The following TRIO variants were observed in gnomAD, a reference collection of about 807,000 sequenced individuals.
TRIO encodes triple functional domain protein.
TRIO carries 58 observed loss-of-function variants against 351.9 expected under a neutral mutation model. The observed-to-expected ratio is 0.16, with a 90% CI of 0.13 to 0.21. The LOEUF is 0.21. Ranked by LOEUF, TRIO falls within the 10% of genes least tolerant of loss-of-function variation. The pLI, the probability that TRIO is intolerant of heterozygous loss-of-function variation, is 1.00. For missense variants in TRIO, 3,201 were observed against 4,027.8 expected (o/e 0.79, Z 5.56); for synonymous variants, 1,758 against 1,595.7 (o/e 1.10, Z -2.42).
chr5:14,208,291 A>G (rs1474670216), intron 1 of TRIO, among the ~76,000 whole-genome samples: 2 of 152,232 alleles, frequency 1.3e-5, no homozygotes, highest in Non-Finnish European at 2.9e-5. Flanking sequence ...GATGTGGTAT[A>G]TCATCATCAT....
chr5:14,196,600 T>C (rs1316688078), intron 1 of TRIO, among the ~76,000 whole-genome samples: 3 of 152,098 alleles, frequency 2.0e-5, no homozygotes, highest in Non-Finnish European at 4.4e-5. Context: ...TTGAAATCAT[T>C]ATTCTACCTT....
chr5:14,269,243 C>T (rs556167708), intron 1 of TRIO, among the ~76,000 whole-genome samples: 2 of 152,204 alleles, frequency 1.3e-5, no homozygotes, highest in Non-Finnish European at 2.9e-5. Flanking sequence ...GTTCATTATA[C>T]ACGTGGACGT....
chr5:14,245,662 C>T (rs987961193), intron 1 of TRIO, among the ~76,000 whole-genome samples: 6 of 152,160 alleles, frequency 3.9e-5, no homozygotes, highest in Admixed American at 2.6e-4. Flanking sequence ...TCTTCTTGAC[C>T]GTTTTTGCAC....
intron 34 of TRIO, among the ~76,000 whole-genome samples, chr5:14,425,557 TC>T (rs2152393674): frequency 7.1e-6 from 1 of 141,284 alleles, no homozygotes; most frequent in African/African-American, 3.2e-5. Context: ...TTTCAGTCCT[TC>T]TGGGTGTATA....
At chr5:14,232,337 A>G (rs961848314) in intron 1 of TRIO, among the ~76,000 whole-genome samples, 4 of 152,056 alleles carry the variant, frequency 2.6e-5, no homozygotes, top group Admixed American at 2.6e-4. Flanking sequence ...ATTAAATTCT[A>G]ATCATCATTT....
rs73749245 is a variant in TRIO at position 14,435,269 on chromosome 5, C to T, written c.5203+15248C>T. ...AGGCCGGACTCCCTGCTAGAGCACC[C>T]GCAGTTTGAATCCCAGGTTCCACAC... is the stretch of plus-strand genomic sequence containing the variant. On this transcript the variant is annotated intron_variant, in intron 34 of 56. Transcript: ENST00000344204. 8.4e-3 allele frequency among the ~76,000 whole-genome samples: 1,272 copies of T among 152,270 alleles called. 20 individuals are homozygous for T. The highest frequency in any genetic ancestry group is 0.029 in the African/African-American group (1,225 of 41,546).
At chr5:14,390,556 G>A (rs1746978850) in intron 26 of TRIO, 2 of 549,314 alleles carry the variant, frequency 3.6e-6, no homozygotes, top group East Asian at 3.1e-5. Flanking sequence ...GGGATTTGCT[G>A]ATAGGTGAGT....
At chr5:14,164,443 G>C (rs1788647652) in intron 1 of TRIO, among the ~76,000 whole-genome samples, 1 of 152,214 alleles carries the variant, frequency 6.6e-6, no homozygotes. Flanking sequence ...GAATTGCATG[G>C]CTTCAGGAGA....
At chr5:14,454,476 C>G (rs1004880324) in intron 34 of TRIO, among the ~76,000 whole-genome samples, 2 of 152,242 alleles carry the variant, frequency 1.3e-5, no homozygotes, top group Non-Finnish European at 2.9e-5. Flanking sequence ...CTTGTGTTCA[C>G]TTCAAAACTG....
At chr5:14,351,802 G>A (rs557775740) in intron 11 of TRIO, among the ~76,000 whole-genome samples, 2 of 152,178 alleles carry the variant, frequency 1.3e-5, no homozygotes, top group Admixed American at 6.5e-5. Flanking sequence ...GCATCAGCTT[G>A]TACCCCACTG....
chr5:14,217,973 A>C (rs369876596), intron 1 of TRIO, among the ~76,000 whole-genome samples: 2 of 152,262 alleles, frequency 1.3e-5, no homozygotes, highest in South Asian at 2.1e-4. Context: ...AAAAACATTC[A>C]GTAACTTTTT....
At chr5:14,410,436 C>T (rs1383164777) in intron 33 of TRIO, among the ~76,000 whole-genome samples, 6 of 152,172 alleles carry the variant, frequency 3.9e-5, no homozygotes, top group Non-Finnish European at 7.4e-5. Context: ...TGCACTGTCC[C>T]TCTGAACTAG....
rs528789214 is a variant in TRIO at position 14,156,196 on chromosome 5, C to T, written c.157+12314C>T. On this transcript the variant is annotated intron_variant, in intron 1 of 56. Coordinates refer to ENST00000344204, the MANE Select transcript of TRIO (RefSeq NM_007118.4). ...CTGTCTCCATCATTTTTTTGGAGCA[C>T]TTTCTTACTTTCTGGCACAATAAAC... 7.2e-5 allele frequency among the ~76,000 whole-genome samples: 11 copies of T among 152,230 alleles called. No homozygotes were observed. In the East Asian group the frequency reaches 1.7e-3, roughly 24 times the overall value.
Position 14,280,797 on chromosome 5 carries a change from C to T in TRIO, c.347+361C>T, listed in dbSNP as rs540997945. ...TGCTGCTTTTGACAATGCATTTCTG[C>T]CTACTTGGCAAACGTTAGTTCTTTA... On this transcript the variant is annotated intron_variant, in intron 3 of 56. Transcript: ENST00000344204. 5.8e-4 allele frequency among the ~76,000 whole-genome samples: 88 copies of T among 152,230 alleles called. 2 individuals carry two copies. In the South Asian group the frequency reaches 0.018, roughly 31 times the overall value.
At chr5:14,234,559 G>A (rs2152226488) in intron 1 of TRIO, among the ~76,000 whole-genome samples, 1 of 152,320 alleles carries the variant, frequency 6.6e-6, no homozygotes, top group East Asian at 1.9e-4. Context: ...GAAATGTTCT[G>A]TGATCTGTAC....
intron 33 of TRIO, among the ~76,000 whole-genome samples, chr5:14,411,874 T>C (rs186442651): frequency 2.2e-4 from 34 of 152,200 alleles, no homozygotes; most frequent in African/African-American, 7.7e-4. Context: ...CTCAAAACGC[T>C]GGGATTATTG....
Position 14,397,032 on chromosome 5 carries a change from T to C in TRIO, c.4312-11T>C, listed in dbSNP as rs1747659433. Reference sequence around the variant, plus strand: ...CAGTCTTTACCTAGTTTCTGTTGTTTATCTTTGCAGGAGCTGCTGACGTGC... The same window carrying C: ...CAGTCTTTACCTAGTTTCTGTTGTTCATCTTTGCAGGAGCTGCTGACGTGC... On this transcript the variant is annotated splice_polypyrimidine_tract_variant and intron_variant, in intron 28 of 56. Transcript: ENST00000344204. 1.9e-6 allele frequency: 3 copies of C among 1,592,518 alleles called. No homozygotes were observed. The South Asian group carries it at 3.5e-5, about 18-fold the overall frequency.
intron 9 of TRIO, among the ~76,000 whole-genome samples, chr5:14,317,970 T>C (rs1739519111): frequency 6.6e-6 from 1 of 151,992 alleles, no homozygotes; most frequent in African/African-American, 2.4e-5. Context: ...CTACTCAGAA[T>C]ACAAAAATTA....
chr5:14,286,765 G>A lies in TRIO; in HGVS notation c.348-106G>A. On this transcript the variant is annotated intron_variant, in intron 3 of 56. Coordinates refer to ENST00000344204, the MANE Select transcript of TRIO (RefSeq NM_007118.4). The surrounding 1 kb of genome is among the most constrained non-coding windows in gnomAD (Gnocchi z 4.4). ...TGCTCCTTCCCCTGCCTCCGCACGT[G>A]TCCAGCAGGGGAGGGAAGCTGGGTC... 8.3e-7 allele frequency: 1 copy of A among 1,204,230 alleles called. No individual in the cohort carries two copies. The highest frequency in any genetic ancestry group is 1.2e-6 in the Non-Finnish European group (1 of 859,472). 74.6% of individuals were successfully genotyped at this position (1,204,230 alleles called of 1,614,324 possible). A position where few individuals can be genotyped will look rare whatever the true frequency, so the allele number is the denominator to read the frequency against.
Sources: allele counts gnomAD v4.1 joint callset (sites outside exome capture counted in the v4.1 genomes callset), GRCh38; gene constraint gnomAD v4.1.1; non-coding constraint Gnocchi (gnomAD v3.1); transcripts MANE v1.5; gene names NCBI Gene and HGNC (gene_info 2026-07-23, HGNC 2026-07-21).